Variants in FOXJ1 observed in about 807,000 individuals in gnomAD.
FOXJ1 encodes forkhead box protein J1.
In FOXJ1, 8 loss-of-function variants were observed where a neutral mutation model predicts 29.3. The observed-to-expected ratio is 0.27, with a 90% confidence interval of 0.16 to 0.49. FOXJ1 has a LOEUF of 0.49. Ranked by LOEUF, FOXJ1 falls within the 20% of genes least tolerant of loss-of-function variation. FOXJ1 has a pLI of 0.98. For synonymous variants in FOXJ1, 280 were observed against 278.7 expected (o/e 1.00, Z -0.05); for missense variants, 539 against 595.5 (o/e 0.91, Z 0.99).
In FOXJ1 at chr17:76,140,123, G is replaced by A. The variant is rs1235768187; in HGVS notation, c.273C>T (p.Pro91=). ...CLGQPHTPGK[P]TSSCTSRSAP... ...CGCTCCGCGACGTGCACGACGACGT[G>A]GGCTTGCCCGGCGTGTGTGGCTGCC... Residue 91 remains proline, a synonymous_variant, in exon 2 of 3, where the codon CCC becomes CCT. Coordinates refer to ENST00000322957, the MANE Select transcript of FOXJ1 (RefSeq NM_001454.4). This position sits in a 1 kb window ranked among gnomAD's most constrained non-coding sequence, Gnocchi z 8.0. The A allele has an allele frequency of 6.3e-7, 1 of 1,585,338 alleles. No individual in the cohort carries two copies. Among genetic ancestry groups the A allele is most frequent in the South Asian group, 1.1e-5 (1 of 89,552 alleles).
rs767689240 is a variant in FOXJ1, at chr17:76,137,533, C to A, written c.1086G>T (p.Ser362=). ...HIDCPATWGP[S]VEQAADSLDF... ...CCAGGCTGTCGGCAGCCTGCTCCAC[C>A]GAAGGCCCCCAGGTGGCAGGGCAGT... Residue 362 remains serine (S), a synonymous_variant, in exon 3 of 3, where the codon TCG becomes TCT. Transcript: ENST00000322957. This position sits in a 1 kb window ranked among gnomAD's most constrained non-coding sequence, Gnocchi z 9.5. The A allele has an allele frequency of 6.3e-7, 1 of 1,594,194 alleles. No individual in the cohort carries two copies. Among genetic ancestry groups the A allele is most frequent in the Admixed American group, 1.7e-5 (1 of 57,202 alleles).
Position 76,140,225 on chromosome 17 carries a change from G to C in FOXJ1, c.171C>G (p.Thr57=). The C allele has an allele frequency of 6.9e-7, 1 of 1,447,842 alleles. No homozygotes were observed. Among genetic ancestry groups the C allele is most frequent in the Non-Finnish European group, 9.0e-7 (1 of 1,108,976 alleles). The allele number at this position is 1,447,842 out of a possible 1,614,324, so 89.7% of individuals were successfully genotyped here. The change falls in exon 2 of 3, where the codon ACC becomes ACG. Residue 57 remains threonine (T), a synonymous_variant. Transcript: ENST00000322957. The surrounding 1 kb of genome is among the most constrained non-coding windows in gnomAD (Gnocchi z 8.0). ...AKAPALPPGG[T]DPHGYHQVPG... Reference sequence around the variant, plus strand: ...GCACCTGGTGGTAGCCGTGGGGGTCGGTGCCCCCCGGGGGCAGGGCGGGGG... The same window carrying C: ...GCACCTGGTGGTAGCCGTGGGGGTCCGTGCCCCCCGGGGGCAGGGCGGGGG...
intron 2 of FOXJ1, among the ~76,000 whole-genome samples, chr17:76,138,575 G>GA (rs2068495165): frequency 1.1e-4 from 16 of 151,398 alleles, no homozygotes; most frequent in African/African-American, 3.2e-4. Flanking sequence ...AGAGGAAGGG[G>GA]GAGAGAGAGA....
Position 76,137,362 on chromosome 17 carries a change from G to T in FOXJ1, c.1257C>A (p.Ala419=), listed in dbSNP as rs1337411064. 1 of 1,488,372 alleles carries T rather than the reference G, an allele frequency of 6.7e-7. No homozygotes were observed. 92.2% of individuals were successfully genotyped at this position (1,488,372 alleles called of 1,614,324 possible). A position where few individuals can be genotyped will look rare whatever the true frequency, so the allele number is the denominator to read the frequency against. Residue 419 remains alanine, a synonymous_variant, in exon 3 of 3, where the codon GCC becomes GCA. Transcript: ENST00000322957. This position sits in a 1 kb window ranked among gnomAD's most constrained non-coding sequence, Gnocchi z 9.5. ...SDLQDWASVG[A]FL ...GGCAGGGCCTGGCCTCTTACAAGAA[G>T]GCCCCCACGCTGGCCCAGTCCTGCA...
At chr17:76,138,257 G>T in intron 2 of FOXJ1, 137 bp from the exon 3 acceptor site, 4 of 929,712 alleles carry the variant, frequency 4.3e-6, no homozygotes, top group Non-Finnish European at 6.5e-6. Flanking sequence ...AGACACACTG[G>T]TCTGCCCAGG....
Position 76,137,114 on chromosome 17 carries a change from T to C in FOXJ1, c.*239A>G, listed in dbSNP as rs1190566610. ...GAAGACGCGGAGCAATGAAACACTG[T>C]GTGTACAAGGTGGGGCTGGGGAGAG... On this transcript the variant is annotated 3_prime_UTR_variant, in exon 3 of 3. Transcript: ENST00000322957. This position sits in a 1 kb window ranked among gnomAD's most constrained non-coding sequence, Gnocchi z 9.5. 6 of 421,260 alleles carry C rather than the reference T, an allele frequency of 1.4e-5. No individual in the cohort carries two copies. In the Admixed American group the frequency reaches 2.4e-4, roughly 17 times the overall value. The allele number at this position is 421,260 out of a possible 1,614,324, so 26.1% of individuals were successfully genotyped here.
In FOXJ1 at chr17:76,136,801, C is replaced by A; in HGVS notation, c.*552G>T. On this transcript the variant is annotated 3_prime_UTR_variant, in exon 3 of 3. Coordinates refer to ENST00000322957, the MANE Select transcript of FOXJ1 (RefSeq NM_001454.4). The surrounding 1 kb of genome is among the most constrained non-coding windows in gnomAD (Gnocchi z 4.9). ...TGCCACCACCTCATTTTGGTCTCCT[C>A]TCTCTGCCCCCTCCCCCAGTCCATC... 1 of 152,292 alleles carries A rather than the reference C, an allele frequency of 6.6e-6. No individual in the cohort carries two copies. 9.4% of individuals were successfully genotyped at this position (152,292 alleles called of 1,614,324 possible).
At chr17:76,138,638 G>A (rs967008423) in intron 2 of FOXJ1, among the ~76,000 whole-genome samples, 1 of 152,110 alleles carries the variant, frequency 6.6e-6, no homozygotes, top group Non-Finnish European at 1.5e-5. Flanking sequence ...CTTGTTTGTT[G>A]AGCCGGCTGC....
At position 76,140,579 on chromosome 17, in the gene FOXJ1, G is replaced by T; in HGVS notation, c.-169-15C>A. ...GTATGTGGTGCCTGCGAGGACCACG[G>T]TGGGAGCTGAGCACTACCCCACCCC... On this transcript the variant is annotated splice_polypyrimidine_tract_variant and intron_variant, in intron 1 of 2. Transcript: ENST00000322957. This position sits in a 1 kb window ranked among gnomAD's most constrained non-coding sequence, Gnocchi z 8.0. 1.8e-6 allele frequency: 1 copy of T among 546,492 alleles called. No individual in the cohort carries two copies. The highest frequency in any genetic ancestry group is 3.1e-6 in the Non-Finnish European group (1 of 322,510). 33.9% of individuals were successfully genotyped at this position (546,492 alleles called of 1,614,324 possible).
intron 2 of FOXJ1, among the ~76,000 whole-genome samples, chr17:76,138,521 G>A (rs1183763198): frequency 6.6e-6 from 1 of 152,104 alleles, no homozygotes; most frequent in Non-Finnish European, 1.5e-5. Flanking sequence ...GGCCCTCTCT[G>A]TGAGTGAGTG....
rs1015443964 is a variant in FOXJ1 at position 76,136,520 on chromosome 17, C to T, written c.*833G>A. On this transcript the variant is annotated 3_prime_UTR_variant, in exon 3 of 3. Transcript: ENST00000322957. The surrounding 1 kb of genome is among the most constrained non-coding windows in gnomAD (Gnocchi z 4.9). ...GGCGTGGGGTACCCCGCTTCTTGGT[C>T]CCAGTAGTTCCAGCAAGCTCGGCAT... 4 of 152,152 alleles carry T rather than the reference C, an allele frequency of 2.6e-5. No homozygotes were observed. Among genetic ancestry groups the T allele is most frequent in the Admixed American group, 2.6e-4 (4 of 15,276 alleles). The allele number at this position is 152,152 out of a possible 1,614,324, so 9.4% of individuals were successfully genotyped here. A position where few individuals can be genotyped will look rare whatever the true frequency, so the allele number is the denominator to read the frequency against.
In FOXJ1 at chr17:76,139,971, A is replaced by G; in HGVS notation, c.425T>C (p.Ile142Thr). The G allele has an allele frequency of 1.9e-6, 3 of 1,613,534 alleles. No individual in the cohort carries two copies. The highest frequency in any genetic ancestry group is 2.5e-6 in the Non-Finnish European group (3 of 1,179,894). ...CCACTTGTAGATGGCCGACAGGGTG[A>G]TCTTGGTGGCCTTGCTGGCCTGCAT... ...MAMQASKATK[I>T]TLSAIYKWIT... The change falls in exon 2 of 3, where the codon ATC (isoleucine) becomes ACC (threonine). Residue 142 changes from isoleucine (I) to threonine (T), a missense_variant. Physicochemically the swap from Ile to Thr is moderately conservative, Grantham distance 89. Around this residue, in one of 3 missense-constraint regions of FOXJ1, gnomAD observed 178 missense variants for 254.4 expected, o/e 0.70. Coordinates refer to ENST00000322957, the MANE Select transcript of FOXJ1 (RefSeq NM_001454.4). This position sits in a 1 kb window ranked among gnomAD's most constrained non-coding sequence, Gnocchi z 6.6.
Position 76,138,011 on chromosome 17 carries a change from T to TCCGCGC in FOXJ1, c.607_608insGCGCGG (p.Ala202_Glu203insGlyAla). 6.2e-7 allele frequency: 1 copy of TCCGCGC among 1,613,416 alleles called. No homozygotes were observed. Among genetic ancestry groups the TCCGCGC allele is most frequent in the Non-Finnish European group, 8.5e-7 (1 of 1,179,816 alleles). Reference sequence around the variant, plus strand: ...CTTGAAAGCGCCGCTCAGTAGCCGCTCCGCGTACTGGGGGTCAATGCGCCA... The same window carrying TCCGCGC: ...CTTGAAAGCGCCGCTCAGTAGCCGCTCCGCGCCCGCGTACTGGGGGTCAATGCGCCA... On this transcript the variant is annotated inframe_insertion, in exon 3 of 3. Coordinates refer to ENST00000322957, the MANE Select transcript of FOXJ1 (RefSeq NM_001454.4).
Position 76,137,900 on chromosome 17 carries a change from G to T in FOXJ1, c.719C>A (p.Pro240Gln), listed in dbSNP as rs776758063. The T allele has an allele frequency of 3.2e-6, 5 of 1,565,730 alleles. No homozygotes were observed. Among genetic ancestry groups the T allele is most frequent in the Non-Finnish European group, 2.6e-6 (3 of 1,155,270 alleles). The change falls in exon 3 of 3, where the codon CCG becomes CAG. Residue 240 changes from proline to glutamine, a missense_variant. Coordinates refer to ENST00000322957, the MANE Select transcript of FOXJ1 (RefSeq NM_001454.4). This position sits in a 1 kb window ranked among gnomAD's most constrained non-coding sequence, Gnocchi z 9.5. ...QEPSAVPRAG[P>Q]LTVNTEAQQL... ...CTGGGCCTCGGTATTCACCGTCAGC[G>T]GCCCGGCCCGGGGGACAGCGCTGGG...
intron 2 of FOXJ1, among the ~76,000 whole-genome samples, chr17:76,138,609 G>A (rs1270064691): frequency 2.6e-5 from 4 of 152,154 alleles, no homozygotes; most frequent in Admixed American, 1.3e-4. Context: ...GATGAGAGGT[G>A]GGGGATCTGA....
Position 76,140,573 on chromosome 17 carries a change from A to G in FOXJ1, c.-169-9T>C, listed in dbSNP as rs2068510330. ...GAATAAGTATGTGGTGCCTGCGAGG[A>G]CCACGGTGGGAGCTGAGCACTACCC... On this transcript the variant is annotated splice_polypyrimidine_tract_variant and intron_variant, in intron 1 of 2. Coordinates refer to ENST00000322957, the MANE Select transcript of FOXJ1 (RefSeq NM_001454.4). This position sits in a 1 kb window ranked among gnomAD's most constrained non-coding sequence, Gnocchi z 8.0. 2 of 556,186 alleles carry G rather than the reference A, an allele frequency of 3.6e-6. No homozygotes were observed. The highest frequency in any genetic ancestry group is 6.0e-6 in the Non-Finnish European group (2 of 331,300). The allele number at this position is 556,186 out of a possible 1,614,324, so 34.5% of individuals were successfully genotyped here.
Position 76,140,342 on chromosome 17 carries a change from C to G in FOXJ1, c.54G>C (p.Gly18=). 1.3e-6 allele frequency: 2 copies of G among 1,500,510 alleles called. No homozygotes were observed. Among genetic ancestry groups the G allele is most frequent in the Admixed American group, 2.5e-5 (1 of 40,382 alleles). 92.9% of individuals were successfully genotyped at this position (1,500,510 alleles called of 1,614,324 possible). A position where few individuals can be genotyped will look rare whatever the true frequency, so the allele number is the denominator to read the frequency against. The change falls in exon 2 of 3, where the codon GGG becomes GGC. Residue 18 remains glycine (G), a synonymous_variant. Transcript: ENST00000322957. This position sits in a 1 kb window ranked among gnomAD's most constrained non-coding sequence, Gnocchi z 8.0. ...CGGGCTCCTCCAGGCCGCCCTCCGG[C>G]CCGGCCTCCTCCGCCGGCCCGGCTC... is the stretch of plus-strand genomic sequence containing the variant. ...LSGAGPAEEA[G]PEGGLEEPDA...
In FOXJ1 at chr17:76,136,974, G is replaced by C. The variant is rs555981718; in HGVS notation, c.*379C>G. 1 of 196,636 alleles carries C rather than the reference G, an allele frequency of 5.1e-6. No individual in the cohort carries two copies. The highest frequency in any genetic ancestry group is 6.0e-5 in the Admixed American group (1 of 16,596). 12.2% of individuals were successfully genotyped at this position (196,636 alleles called of 1,614,324 possible). A position where few individuals can be genotyped will look rare whatever the true frequency, so the allele number is the denominator to read the frequency against. ...CTGGATAGAGACCTGGGGAAGCAGG[G>C]GGGAAGCGGAGGTGCTCTGGGAGGG... On this transcript the variant is annotated 3_prime_UTR_variant, in exon 3 of 3. Transcript: ENST00000322957. The surrounding 1 kb of genome is among the most constrained non-coding windows in gnomAD (Gnocchi z 4.9).
At position 76,140,573 on chromosome 17, in the gene FOXJ1, AC is replaced by A. The variant is rs1462147790; in HGVS notation, c.-169-10del. ...GAATAAGTATGTGGTGCCTGCGAGG[AC>A]CACGGTGGGAGCTGAGCACTACCCC... On this transcript the variant is annotated splice_polypyrimidine_tract_variant and intron_variant, in intron 1 of 2. Transcript: ENST00000322957. This position sits in a 1 kb window ranked among gnomAD's most constrained non-coding sequence, Gnocchi z 8.0. 5.4e-6 allele frequency: 3 copies of A among 556,066 alleles called. No homozygotes were observed. The highest frequency in any genetic ancestry group is 4.0e-5 in the African/African-American group (2 of 49,722). The allele number at this position is 556,066 out of a possible 1,614,324, so 34.4% of individuals were successfully genotyped here.
Sources: allele counts gnomAD v4.1 joint callset (sites outside exome capture counted in the v4.1 genomes callset), GRCh38; gene constraint gnomAD v4.1.1; regional missense constraint gnomAD v4.1.1; non-coding constraint Gnocchi (gnomAD v3.1); transcripts MANE v1.5; gene names NCBI Gene and HGNC (gene_info 2026-07-23, HGNC 2026-07-21).